Variants in RADIL observed in about 807,000 individuals in gnomAD.
RADIL encodes the protein Rap associating with DIL domain.
A neutral mutation model predicts 97.6 loss-of-function variants in RADIL; 99 were observed. That is an observed-to-expected ratio of 1.01 (90% CI 0.86 to 1.20). RADIL has a LOEUF of 1.20. Ranked by LOEUF, RADIL falls within the 50% of genes most tolerant of loss-of-function variation. The pLI is 0.00. For missense variants in RADIL, 1,765 were observed against 1,498.9 expected (o/e 1.18, Z -2.93); for synonymous variants, 803 against 691.8 (o/e 1.16, Z -2.52).
chr7:4,800,096 T>TGTG, intron 13 of RADIL, 75 bp downstream of exon 13: 22 of 1,471,326 alleles, frequency 1.5e-5, no homozygotes, highest in Non-Finnish European at 1.9e-5. Flanking sequence ...CCACGCAAGC[T>TGTG]GCGGCCAGGC....
intron 9 of RADIL, among the ~76,000 whole-genome samples, chr7:4,810,755 G>A (rs1782520660): frequency 6.6e-6 from 1 of 152,228 alleles, no homozygotes; most frequent in Admixed American, 6.5e-5. Flanking sequence ...ACGTCACCAG[G>A]AACACCTGAG....
At chr7:4,831,199 G>GAAA (rs1554262870) in intron 5 of RADIL, among the ~76,000 whole-genome samples, 1 of 119,450 alleles carries the variant, frequency 8.4e-6, no homozygotes, top group Non-Finnish European at 1.8e-5. Flanking sequence ...CTCAAAAAAA[G>GAAA]AAAAAAAAAA....
chr7:4,876,865 G>A (rs1784388262), intron 2 of RADIL, among the ~76,000 whole-genome samples: 2 of 152,242 alleles, frequency 1.3e-5, no homozygotes, highest in Admixed American at 6.5e-5. Context: ...TGGAGACCTT[G>A]CAACCCGGCA....
rs770411760 is a variant in RADIL at position 4,801,945 on chromosome 7, G to A, written c.2550C>T (p.Pro850=). The A allele has an allele frequency of 1.3e-6, 2 of 1,558,808 alleles. No homozygotes were observed. The highest frequency in any genetic ancestry group is 1.2e-5 in the South Asian group (1 of 84,070). The change falls in exon 12 of 15, where the codon CCC becomes CCT. Residue 850 remains proline, a synonymous_variant. Transcript: ENST00000399583. ...LDGHLEAPSC[P]LAPRDPGPAA... is the part of the protein sequence containing the mutation. ...CTGGGCCAGGGTCCCTGGGAGCCAG[G>A]GGGCAGCTCGGGGCCTCCAGGTGCC...
chr7:4,882,903 C>CTACAG (rs199758605), intron 1 of RADIL, among the ~76,000 whole-genome samples: 3,469 of 151,538 alleles, frequency 0.023, 137 homozygotes, highest in African/African-American at 0.081. Context: ...ACTTGACAGG[C>CTACAG]GACAGGGCAG....
chr7:4,868,200 C>G (rs1036532816), intron 2 of RADIL, among the ~76,000 whole-genome samples: 13 of 152,140 alleles, frequency 8.5e-5, no homozygotes, highest in Admixed American at 2.6e-4. Context: ...GTAGCTGGGA[C>G]TACAGGCGCC....
At position 4,800,257 on chromosome 7, in the gene RADIL, A is replaced by G; in HGVS notation, c.2896T>C (p.Ser966Pro). 1 of 1,561,104 alleles carries G rather than the reference A, an allele frequency of 6.4e-7. No individual in the cohort carries two copies. Among genetic ancestry groups the G allele is most frequent in the Non-Finnish European group, 8.6e-7 (1 of 1,156,728 alleles). Reference protein sequence around the residue: ...ESPPAPSSRSSSTEDFCYVFT... With the variant: ...ESPPAPSSRSPSTEDFCYVFT... ...ACGTAGCAGAAGTCCTCGGTGCTGGAGCTGCGGCTGGACGGGGCTGGAGGG... is the reference window on the plus strand; with the variant it reads ...ACGTAGCAGAAGTCCTCGGTGCTGGGGCTGCGGCTGGACGGGGCTGGAGGG... The change falls in exon 13 of 15, where the codon TCC (serine) becomes CCC (proline). Residue 966 changes from serine to proline, a missense_variant. By Grantham distance (74) the Ser-to-Pro change is moderately conservative. Coordinates refer to ENST00000399583, the MANE Select transcript of RADIL (RefSeq NM_018059.5).
chr7:4,803,959 G>T (rs376449324), intron 10 of RADIL: 1 of 667,516 alleles, frequency 1.5e-6, no homozygotes, highest in Non-Finnish European at 2.7e-6. Context: ...CCGACCACCC[G>T]GTGTGACATC....
At chr7:4,862,064 C>G (rs1562455413) in intron 2 of RADIL, 1 of 380,178 alleles carries the variant, frequency 2.6e-6, no homozygotes, top group South Asian at 1.4e-4. Context: ...GCACCCGCCG[C>G]CAGCGCGAGG....
At chr7:4,816,513 G>A in intron 7 of RADIL, 48 bp from the exon 8 acceptor site, 1 of 1,526,574 alleles carries the variant, frequency 6.6e-7, no homozygotes, top group Non-Finnish European at 9.0e-7. Context: ...CAGGAGCGCT[G>A]GCGGCCGAAC....
intron 9 of RADIL, chr7:4,806,016 C>G: frequency 1.0e-6 from 1 of 985,486 alleles, no homozygotes; most frequent in Non-Finnish European, 1.2e-6. Context: ...AGAGAAACCA[C>G]TACTGGGAAA....
chr7:4,832,032 A>G, intron 5 of RADIL, 109 bp downstream of exon 5: 1 of 1,167,028 alleles, frequency 8.6e-7, no homozygotes, highest in Non-Finnish European at 1.2e-6. Context: ...CAAAGCCCAG[A>G]GCTGACCCCA....
Position 4,801,725 on chromosome 7 carries a change from C to G in RADIL, c.2770G>C (p.Gly924Arg). Residue 924 changes from glycine to arginine, a missense_variant, in exon 12 of 15, where the codon GGC becomes CGC. Gly to Arg is a moderately radical substitution (Grantham distance 125). Coordinates refer to ENST00000399583, the MANE Select transcript of RADIL (RefSeq NM_018059.5). Reference sequence around the variant, plus strand: ...TCTGGGAGCGCTTTTCCACAGGGGCCGCCGGACTCTGGCCAGTCGGGGTCC... The same window carrying G: ...TCTGGGAGCGCTTTTCCACAGGGGCGGCCGGACTCTGGCCAGTCGGGGTCC... Reference protein sequence around the residue: ...PGDPDWPESGGPCGKALPERQ... With the variant: ...PGDPDWPESGRPCGKALPERQ... 6.2e-7 allele frequency: 1 copy of G among 1,610,310 alleles called. No individual in the cohort carries two copies. Among genetic ancestry groups the G allele is most frequent in the Non-Finnish European group, 8.5e-7 (1 of 1,179,068 alleles).
In RADIL at chr7:4,813,489, G is replaced by C. The variant is rs1422754068; in HGVS notation, c.2139+1789C>G. Among the ~76,000 whole-genome samples, 1 of 152,176 alleles carries C rather than the reference G, an allele frequency of 6.6e-6. No homozygotes were observed. Among genetic ancestry groups the C allele is most frequent in the Non-Finnish European group, 1.5e-5 (1 of 68,030 alleles). ...AGGGAAAAGCCGGCCATGCAATTCA[G>C]GCCCCTGAAGTCTCTGAGCTTGCCT... On this transcript the variant is annotated intron_variant, in intron 9 of 14. Transcript: ENST00000399583. The surrounding 1 kb of genome is among the most constrained non-coding windows in gnomAD (Gnocchi z 5.0).
intron 2 of RADIL, chr7:4,861,834 G>GCACGTTCCCCACCACCGCGACCTT (rs1554264944): frequency 3.2e-6 from 4 of 1,268,774 alleles, no homozygotes; most frequent in African/African-American, 3.1e-5. Context: ...CCCCGCCAGG[G>GCACGTTCCCCACCACCGCGACCTT]CACGTCCCCC....
In RADIL at chr7:4,822,246, A is replaced by C; in HGVS notation, c.1615+148T>G. 9.4e-7 allele frequency: 1 copy of C among 1,066,512 alleles called. No homozygotes were observed. Among genetic ancestry groups the C allele is most frequent in the South Asian group, 1.7e-5 (1 of 59,456 alleles). 66.1% of individuals were successfully genotyped at this position (1,066,512 alleles called of 1,614,324 possible). ...CTCACAGGCCGTCCCCGAGCAACTG[A>C]CACATGGCAGCCTAGGGACTGAGGA... On this transcript the variant is annotated intron_variant, in intron 6 of 14. Transcript: ENST00000399583. This position sits in a 1 kb window ranked among gnomAD's most constrained non-coding sequence, Gnocchi z 5.3.
chr7:4,874,403 G>A (rs1195438977), intron 2 of RADIL, among the ~76,000 whole-genome samples: 1 of 152,234 alleles, frequency 6.6e-6, no homozygotes, highest in Non-Finnish European at 1.5e-5. Context: ...CCCGGCTCCA[G>A]GCAGAGGCTC....
Position 4,878,118 on chromosome 7 carries a change from T to G in RADIL, c.22A>C (p.Ile8Leu). 2 of 1,569,126 alleles carry G rather than the reference T, an allele frequency of 1.3e-6. No homozygotes were observed. The highest frequency in any genetic ancestry group is 8.6e-7 in the Non-Finnish European group (1 of 1,158,358). MFYGTHF[I>L]MSPPTKSKLK... The stretch of plus-strand genomic sequence containing the variant: ...TTGCTCTTGGTGGGCGGGGACATGA[T>G]GAAGTGCGTCCCATAAAACATGGTG... Residue 8 changes from isoleucine (I) to leucine (L), a missense_variant, in exon 2 of 15, where the codon ATC becomes CTC. Transcript: ENST00000399583. This position sits in a 1 kb window ranked among gnomAD's most constrained non-coding sequence, Gnocchi z 4.1.
Position 4,849,500 on chromosome 7 carries a change from G to A in RADIL, c.536-12895C>T, listed in dbSNP as rs1783657649. Reference sequence around the variant, plus strand: ...GGAATGTCGGCCAGGCTGCAGCTGTGAGGCTACAGCTTGGTTTTTGTTGCC... The same window carrying A: ...GGAATGTCGGCCAGGCTGCAGCTGTAAGGCTACAGCTTGGTTTTTGTTGCC... On this transcript the variant is annotated intron_variant, in intron 2 of 14. Coordinates refer to ENST00000399583, the MANE Select transcript of RADIL (RefSeq NM_018059.5). The surrounding 1 kb of genome is among the most constrained non-coding windows in gnomAD (Gnocchi z 5.4). Among the ~76,000 whole-genome samples the A allele has an allele frequency of 6.6e-6, 1 of 152,172 alleles. No homozygotes were observed. The highest frequency in any genetic ancestry group is 2.4e-5 in the African/African-American group (1 of 41,444).
Sources: allele counts gnomAD v4.1 joint callset (sites outside exome capture counted in the v4.1 genomes callset), GRCh38; gene constraint gnomAD v4.1.1; non-coding constraint Gnocchi (gnomAD v3.1); transcripts MANE v1.5; gene names NCBI Gene and HGNC (gene_info 2026-07-23, HGNC 2026-07-21).